ACACB: variants seen among roughly 807,000 people sequenced by gnomAD.
ACACB encodes acetyl-CoA carboxylase 2.
A neutral mutation model predicts 278.8 loss-of-function variants in ACACB; 209 were observed. That is an observed-to-expected ratio of 0.75 (90% CI 0.67 to 0.84). ACACB has a LOEUF of 0.84. Ranked by LOEUF, ACACB falls within the 40% of genes least tolerant of loss-of-function variation. The probability of loss-of-function intolerance (pLI) is 0.00; values close to 1 mark genes in which losing one functional copy is unlikely to be tolerated. For synonymous variants in ACACB, 1,174 were observed against 1,285.6 expected, an observed-to-expected ratio of 0.91 and a Z score of 1.86; for missense variants, 2,850 against 3,269.0, an observed-to-expected ratio of 0.87 and a Z score of 3.13.
At chr12:109,204,323 G>A (rs1321838775) in intron 19 of ACACB, among the ~76,000 whole-genome samples, 2 of 140,916 alleles carry the variant, frequency 1.4e-5, no homozygotes, top group Non-Finnish European at 3.0e-5. Context: ...CGCCCAGGCT[G>A]GAGTGCAGTG....
intron 21 of ACACB, among the ~76,000 whole-genome samples, chr12:109,210,444 TGTGTATATATGTATATATACGCACATAC>T (rs2045787548): frequency 8.4e-6 from 1 of 119,592 alleles, no homozygotes; most frequent in Admixed American, 8.0e-5. Flanking sequence ...CGCACATACA[TGTGTATATATGTATATATACGCACATAC>T]ATGTGTATAT....
intron 1 of ACACB, among the ~76,000 whole-genome samples, chr12:109,137,232 A>G (rs1352009348): frequency 3.3e-5 from 5 of 152,104 alleles, no homozygotes; most frequent in African/African-American, 1.2e-4. Flanking sequence ...TGTACTACCT[A>G]GAAAATAGCC....
At chr12:109,256,342 A>G in intron 45 of ACACB, 106 bp downstream of exon 45, 2 of 847,070 alleles carry the variant, frequency 2.4e-6, no homozygotes, top group Non-Finnish European at 1.9e-6. Flanking sequence ...TCTTGGCCTC[A>G]GGATTTTCTA....
chr12:109,176,800 A>G (rs186814554), intron 9 of ACACB, among the ~76,000 whole-genome samples: 63 of 152,248 alleles, frequency 4.1e-4, no homozygotes, highest in Middle Eastern at 3.4e-3. Flanking sequence ...TCTTTTTAGT[A>G]GAGACAGAGT....
At chr12:109,140,137 T>C in intron 2 of ACACB, 79 bp downstream of exon 2, 1 of 1,434,120 alleles carries the variant, frequency 7.0e-7, no homozygotes, top group Non-Finnish European at 9.2e-7. Flanking sequence ...TGTGCCCACC[T>C]TGATCAAGCT....
chr12:109,209,115 T>G (rs1302695704), intron 20 of ACACB, 50 bp from the exon 21 acceptor site: 5 of 1,522,260 alleles, frequency 3.3e-6, no homozygotes, highest in Non-Finnish European at 3.5e-6. Flanking sequence ...GGGGCGGTGG[T>G]GCCCATGCCC....
chr12:109,260,404 C>A, intron 47 of ACACB, 76 bp from the exon 48 acceptor site: 1 of 1,582,604 alleles, frequency 6.3e-7, no homozygotes. Context: ...CCCAGGACCC[C>A]CAGGACAACT....
intron 1 of ACACB, among the ~76,000 whole-genome samples, chr12:109,122,440 G>C (rs890439052): frequency 2.0e-5 from 3 of 152,036 alleles, no homozygotes; most frequent in African/African-American, 7.2e-5. Context: ...TGGGCGTGGT[G>C]GCACATGCCT....
At chr12:109,150,819 G>T (rs569075872) in intron 2 of ACACB, among the ~76,000 whole-genome samples, 2 of 152,122 alleles carry the variant, frequency 1.3e-5, no homozygotes, top group South Asian at 4.1e-4. Flanking sequence ...ATTTTTATGC[G>T]CCCCTGAGTG....
chr12:109,248,745 C>T (rs1344811449), intron 40 of ACACB, among the ~76,000 whole-genome samples: 1 of 152,224 alleles, frequency 6.6e-6, no homozygotes, highest in Non-Finnish European at 1.5e-5. Context: ...TGTTAATCTC[C>T]TCTAGCAACA....
chr12:109,221,581 C>T, intron 24 of ACACB, among the ~76,000 whole-genome samples: 1 of 152,142 alleles, frequency 6.6e-6, no homozygotes, highest in East Asian at 1.9e-4. Flanking sequence ...GATTCAACCC[C>T]ACGTCCCTCT....
chr12:109,213,041 G>A (rs2045895059), intron 22 of ACACB, 105 bp downstream of exon 22: 1 of 940,318 alleles, frequency 1.1e-6, no homozygotes, highest in Admixed American at 1.9e-5. Flanking sequence ...CTTGAACTGA[G>A]AGAAAGTGTG....
chr12:109,241,006 A>T, intron 35 of ACACB, 72 bp from the exon 36 acceptor site: 1 of 1,458,600 alleles, frequency 6.9e-7, no homozygotes, highest in Non-Finnish European at 9.6e-7. Context: ...TCCTCTTATT[A>T]GTATCAGTGC....
chr12:109,170,347 C>G (rs2044069944), intron 4 of ACACB, among the ~76,000 whole-genome samples: 2 of 152,030 alleles, frequency 1.3e-5, no homozygotes, highest in African/African-American at 4.8e-5. Context: ...TTACAGGTGT[C>G]AGCCACCGCG....
At chr12:109,128,284 G>T (rs2042731217) in intron 1 of ACACB, among the ~76,000 whole-genome samples, 1 of 152,076 alleles carries the variant, frequency 6.6e-6, no homozygotes, top group Admixed American at 6.6e-5. Flanking sequence ...TAGTAGCTGG[G>T]ATTACTGCTG....
intron 2 of ACACB, among the ~76,000 whole-genome samples, chr12:109,164,485 G>C (rs1043847429): frequency 1.3e-5 from 2 of 152,110 alleles, no homozygotes; most frequent in Non-Finnish European, 1.5e-5. Context: ...ACCCACCTCA[G>C]CCTCCCAAAG....
chr12:109,116,346 A>G (rs996557165), upstream of ACACB, among the ~76,000 whole-genome samples: 24 of 152,188 alleles, frequency 1.6e-4, no homozygotes, highest in African/African-American at 5.5e-4. Context: ...ACTGCTTACG[A>G]CAACATGGAC....
chr12:109,227,201 C>T (rs999504830), intron 27 of ACACB, among the ~76,000 whole-genome samples, 170 bp from the exon 28 acceptor site: 15 of 152,154 alleles, frequency 9.9e-5, no homozygotes, highest in African/African-American at 3.4e-4. Flanking sequence ...CCTACCTGCC[C>T]TGGCCTTCCA....
At chr12:109,126,121 G>A (rs771387425) in intron 1 of ACACB, among the ~76,000 whole-genome samples, 1 of 152,176 alleles carries the variant, frequency 6.6e-6, no homozygotes, top group African/African-American at 2.4e-5. Flanking sequence ...AGCACAGCAG[G>A]GGGAGAAGCG....
Sources: allele counts gnomAD v4.1 joint callset (sites outside exome capture counted in the v4.1 genomes callset), GRCh38; gene constraint gnomAD v4.1.1; transcripts MANE v1.5; gene names NCBI Gene and HGNC (gene_info 2026-07-23, HGNC 2026-07-21).